Variants in NBEA observed in about 807,000 individuals in gnomAD.
The protein encoded by NBEA is lysosomal-trafficking regulator 2.
In NBEA, 44 loss-of-function variants were observed where a neutral mutation model predicts 343.4. The ratio of observed to expected loss-of-function variants is 0.13; its 90% CI spans 0.10 to 0.16. The LOEUF is 0.16. Ranked by LOEUF, NBEA falls within the 10% of genes least tolerant of loss-of-function variation. The pLI, the probability that NBEA is intolerant of heterozygous loss-of-function variation, is 1.00. For synonymous variants in NBEA, 1,175 were observed against 1,238.7 expected, an observed-to-expected ratio of 0.95 and a Z score of 1.08; for missense variants, 2,555 against 3,631.3, an observed-to-expected ratio of 0.70 and a Z score of 7.62.
intron 35 of NBEA, among the ~76,000 whole-genome samples, chr13:35,307,813 A>G (rs575043509): frequency 6.6e-6 from 1 of 152,228 alleles, no homozygotes; most frequent in Non-Finnish European, 1.5e-5. Flanking sequence ...AATACAGAAT[A>G]TAGAATGAGA....
chr13:35,661,741 C>T (rs907164973), intron 55 of NBEA, among the ~76,000 whole-genome samples: 1 of 152,126 alleles, frequency 6.6e-6, no homozygotes, highest in Admixed American at 6.5e-5. Context: ...AATGAAACTA[C>T]CATACCCTTT....
intron 13 of NBEA, among the ~76,000 whole-genome samples, chr13:35,111,697 TTC>T (rs1420569445): frequency 6.6e-6 from 1 of 152,040 alleles, no homozygotes; most frequent in African/African-American, 2.4e-5. Flanking sequence ...TGTTAGAGCA[TTC>T]TCTCATTTAT....
At chr13:35,475,908 C>T in intron 41 of NBEA, 1 of 1,614,158 alleles carries the variant, frequency 6.2e-7, no homozygotes, top group Non-Finnish European at 8.5e-7. Context: ...TGAGATAAAG[C>T]ACCACTTCAA....
chr13:35,215,887 A>G (rs1358580828), intron 33 of NBEA, among the ~76,000 whole-genome samples: 1 of 151,518 alleles, frequency 6.6e-6, no homozygotes, highest in Non-Finnish European at 1.5e-5. Context: ...TCCAGATAGT[A>G]TATTTATTTT....
intron 44 of NBEA, among the ~76,000 whole-genome samples, chr13:35,565,090 T>C (rs1451425972): frequency 6.6e-6 from 1 of 152,198 alleles, no homozygotes; most frequent in African/African-American, 2.4e-5. Flanking sequence ...AGAACTGTGG[T>C]GAGGCAACAC....
intron 44 of NBEA, among the ~76,000 whole-genome samples, chr13:35,558,547 T>C (rs1593219809): frequency 6.6e-6 from 1 of 152,054 alleles, no homozygotes; most frequent in Non-Finnish European, 1.5e-5. Context: ...TTGTACAATA[T>C]CATTATACAA....
chr13:35,354,337 G>A (rs1449789254), intron 38 of NBEA, among the ~76,000 whole-genome samples: 2 of 152,048 alleles, frequency 1.3e-5, no homozygotes, highest in African/African-American at 2.4e-5. Context: ...TGCTAGTAAC[G>A]CAGCTGGTAT....
intron 1 of NBEA, among the ~76,000 whole-genome samples, chr13:34,977,072 C>G (rs1425012990): frequency 6.6e-6 from 1 of 151,560 alleles, no homozygotes; most frequent in African/African-American, 2.4e-5. Context: ...TCCCAAGTAG[C>G]TGGAATTACA....
At chr13:35,289,837 A>G (rs1394998009) in intron 34 of NBEA, among the ~76,000 whole-genome samples, 2 of 151,752 alleles carry the variant, frequency 1.3e-5, no homozygotes, top group Non-Finnish European at 1.5e-5. Flanking sequence ...ACGGTGAAAT[A>G]TTTTATAAGC....
intron 38 of NBEA, among the ~76,000 whole-genome samples, chr13:35,382,086 A>C (rs572987833): frequency 5.3e-5 from 8 of 152,172 alleles, no homozygotes; most frequent in Admixed American, 2.0e-4. Context: ...GAAACAAGCC[A>C]TATAGTACCT....
chr13:35,275,917 G>A (rs1006748844), intron 34 of NBEA, among the ~76,000 whole-genome samples: 2 of 151,986 alleles, frequency 1.3e-5, no homozygotes, highest in African/African-American at 4.8e-5. Context: ...GGGTTGATGG[G>A]TGCAGCAAAC....
rs116259319 is a variant in NBEA at position 35,622,137 on chromosome 13, A to T, written c.7450-5944A>T. Among the ~76,000 whole-genome samples, 722 of 152,320 alleles carry T rather than the reference A, an allele frequency of 4.7e-3. 8 individuals carry two copies. The highest frequency in any genetic ancestry group is 0.017 in the African/African-American group (688 of 41,578). Reference sequence around the variant, plus strand: ...AAGAAGGATGAGTAGGTCTTCAAAAAGCAGGAAGACAATGCTTTCAAGCTA... The same window carrying T: ...AAGAAGGATGAGTAGGTCTTCAAAATGCAGGAAGACAATGCTTTCAAGCTA... On this transcript the variant is annotated intron_variant, in intron 48 of 58. Transcript: ENST00000379939.
chr13:34,963,205 A>C (rs148262374), intron 1 of NBEA, among the ~76,000 whole-genome samples: 2 of 151,856 alleles, frequency 1.3e-5, no homozygotes, highest in East Asian at 3.9e-4. Flanking sequence ...ATTGTAATTT[A>C]TTTTCTCACA....
At chr13:35,028,074 A>G (rs2062076074) in intron 1 of NBEA, among the ~76,000 whole-genome samples, 2 of 151,910 alleles carry the variant, frequency 1.3e-5, no homozygotes, top group Non-Finnish European at 2.9e-5. Flanking sequence ...GTCTTGAATT[A>G]TTATAGCAAG....
intron 46 of NBEA, among the ~76,000 whole-genome samples, chr13:35,592,591 G>A (rs543515472): frequency 5.3e-5 from 8 of 152,156 alleles, no homozygotes; most frequent in South Asian, 4.1e-4. Flanking sequence ...GAAATAAATG[G>A]GTAAGTTTAT....
At chr13:34,949,623 A>G (rs963865336) in intron 1 of NBEA, among the ~76,000 whole-genome samples, 3 of 152,272 alleles carry the variant, frequency 2.0e-5, no homozygotes, top group East Asian at 1.9e-4. Context: ...CCAATGATAT[A>G]TGGTTTATGC....
Position 35,476,206 on chromosome 13 carries a change from A to G in NBEA, c.6585+3670A>G, listed in dbSNP as rs575830993. On this transcript the variant is annotated intron_variant, in intron 41 of 58. Transcript: ENST00000379939. Reference sequence around the variant, plus strand: ...AGCTGTGGGATCCAATGCGGCTGCTAGAGCTGGAGCCAACTTCGGTGGAGA... The same window carrying G: ...AGCTGTGGGATCCAATGCGGCTGCTGGAGCTGGAGCCAACTTCGGTGGAGA... The G allele has an allele frequency of 5.3e-5, 85 of 1,609,920 alleles. 4 individuals are homozygous for G. In the South Asian group the frequency reaches 7.9e-4, roughly 15 times the overall value.
intron 1 of NBEA, among the ~76,000 whole-genome samples, chr13:35,032,673 C>G (rs1002969436): frequency 4.6e-5 from 7 of 151,496 alleles, no homozygotes; most frequent in African/African-American, 1.7e-4. Flanking sequence ...GTTTATTATG[C>G]TTGTCTTTTG....
chr13:35,509,509 A>C (rs1348012355), intron 41 of NBEA, among the ~76,000 whole-genome samples: 1 of 152,186 alleles, frequency 6.6e-6, no homozygotes, highest in East Asian at 1.9e-4. Context: ...GAAATGGCAA[A>C]AAAGCTAAGA....
Sources: gnomAD v4.1 joint callset for allele counts (sites outside exome capture counted in the v4.1 genomes callset) on GRCh38, gnomAD v4.1.1 for gene constraint, MANE v1.5 for transcripts, NCBI Gene and HGNC (gene_info 2026-07-23, HGNC 2026-07-21) for gene names.